The following ROR1 variants were observed in gnomAD, a reference collection of about 807,000 sequenced individuals.
The protein encoded by ROR1 is ROR family WNT receptor 1.
ROR1 carries 19 observed loss-of-function variants against 78.8 expected under a neutral mutation model. That is an observed-to-expected ratio of 0.24 (90% CI 0.17 to 0.35). The LOEUF (loss-of-function observed/expected upper bound fraction) is 0.35, where lower values mean the gene tolerates loss of function less well. Ranked by LOEUF, ROR1 falls within the 10% of genes least tolerant of loss-of-function variation. The probability of loss-of-function intolerance (pLI) is 1.00; values close to 1 mark genes in which losing one functional copy is unlikely to be tolerated. For missense variants in ROR1, 917 were observed against 1,177.8 expected, an observed-to-expected ratio of 0.78 and a Z score of 3.24; for synonymous variants, 386 against 433.6, an observed-to-expected ratio of 0.89 and a Z score of 1.36.
At chr1:63,845,256 T>G (rs1175786756) in intron 1 of ROR1, among the ~76,000 whole-genome samples, 2 of 152,190 alleles carry the variant, frequency 1.3e-5, no homozygotes, top group East Asian at 3.8e-4. Flanking sequence ...ATGCCAGTGA[T>G]CTTCTCCAGG....
chr1:64,161,270 G>C lies in ROR1; in HGVS notation c.1386+2078G>C, dbSNP rs143288807. 2.8e-4 allele frequency among the ~76,000 whole-genome samples: 42 copies of C among 152,288 alleles called. No homozygotes were observed. In the East Asian group the frequency reaches 6.4e-3, roughly 23 times the overall value. ...CCCAAGGTCCAAGAGCTAGTTATTA[G>C]AAGCAATAAAATGTGAATACAGGAT... On this transcript the variant is annotated intron_variant, in intron 8 of 8. Transcript: ENST00000371079.
intron 4 of ROR1, chr1:64,113,655 A>G (rs988414725): frequency 6.6e-6 from 1 of 152,082 alleles, no homozygotes; most frequent in Admixed American, 6.6e-5. Flanking sequence ...AGTGTGTCTG[A>G]TTTGGTAGCT....
intron 7 of ROR1, among the ~76,000 whole-genome samples, chr1:64,150,009 C>A (rs1393511964): frequency 6.6e-6 from 1 of 152,080 alleles, no homozygotes; most frequent in Admixed American, 6.5e-5. Flanking sequence ...CATTTAGATC[C>A]CCTATTTGTT....
chr1:63,882,829 A>G (rs1054033051), intron 1 of ROR1, among the ~76,000 whole-genome samples: 8 of 152,208 alleles, frequency 5.3e-5, no homozygotes, highest in African/African-American at 1.9e-4. Context: ...AGATGTTAAG[A>G]TAAAAATTAG....
intron 1 of ROR1, among the ~76,000 whole-genome samples, chr1:63,963,787 G>C (rs1646052555): frequency 6.6e-6 from 1 of 152,022 alleles, no homozygotes; most frequent in African/African-American, 2.4e-5. Flanking sequence ...AAAAGGTGAA[G>C]AGGAAGAACC....
chr1:63,929,844 C>G (rs1176602223), intron 1 of ROR1, among the ~76,000 whole-genome samples: 1 of 152,092 alleles, frequency 6.6e-6, no homozygotes, highest in Non-Finnish European at 1.5e-5. Context: ...ACTAGAGGCA[C>G]AAGGAGGTTT....
chr1:64,078,512 T>C (rs751715100), intron 4 of ROR1, among the ~76,000 whole-genome samples: 4 of 152,132 alleles, frequency 2.6e-5, no homozygotes, highest in Non-Finnish European at 5.9e-5. Context: ...GTGCTTCAGT[T>C]AGAAGGAGGG....
At chr1:63,870,401 A>G (rs1433425562) in intron 1 of ROR1, among the ~76,000 whole-genome samples, 1 of 152,114 alleles carries the variant, frequency 6.6e-6, no homozygotes, top group Non-Finnish European at 1.5e-5. Flanking sequence ...CCCAGGCTTC[A>G]TTGTCCAAGG....
chr1:64,010,769 A>G lies in ROR1; in HGVS notation c.163+1393A>G, dbSNP rs553107490. Among the ~76,000 whole-genome samples, 315 of 152,234 alleles carry G rather than the reference A, an allele frequency of 2.1e-3. 1 individual carries two copies. The highest frequency in any genetic ancestry group is 7.2e-3 in the African/African-American group (300 of 41,542). ...TTTCCCCCATCCTGTTCTCATAATAATGAGTTAGTTCTCATGAGATCTGAT... is the reference window on the plus strand; with the variant it reads ...TTTCCCCCATCCTGTTCTCATAATAGTGAGTTAGTTCTCATGAGATCTGAT... On this transcript the variant is annotated intron_variant, in intron 2 of 8. Transcript: ENST00000371079.
chr1:63,824,205 A>G (rs1256022194), intron 1 of ROR1, among the ~76,000 whole-genome samples: 2 of 152,182 alleles, frequency 1.3e-5, no homozygotes, highest in African/African-American at 4.8e-5. Context: ...ACAGAAATCA[A>G]CAAATGTTTT....
chr1:63,852,411 G>A (rs582428), intron 1 of ROR1, among the ~76,000 whole-genome samples: 64,226 of 152,052 alleles, frequency 0.42, 16,551 homozygotes, highest in African/African-American at 0.73. Flanking sequence ...TCCCTCTTTC[G>A]CACAACAGCC....
intron 1 of ROR1, among the ~76,000 whole-genome samples, chr1:64,008,011 T>C (rs1397874659): frequency 6.6e-6 from 1 of 150,748 alleles, no homozygotes. Context: ...AGGGTACATG[T>C]ACAGGCTTGT....
At chr1:63,928,823 C>T (rs1297179256) in intron 1 of ROR1, among the ~76,000 whole-genome samples, 2 of 152,072 alleles carry the variant, frequency 1.3e-5, no homozygotes, top group African/African-American at 2.4e-5. Context: ...ACTTAGTGCT[C>T]AGTGAGTCCT....
intron 1 of ROR1, among the ~76,000 whole-genome samples, chr1:63,914,359 C>CGTTTATTGTGTTTTATT (rs1645593559): frequency 6.6e-6 from 1 of 152,112 alleles, no homozygotes; most frequent in Non-Finnish European, 1.5e-5. Flanking sequence ...AGGAACCCTG[C>CGTTTATTGTGTTTTATT]GTGCCTGGTT....
chr1:64,073,939 A>G lies in ROR1; in HGVS notation c.482+23223A>G, dbSNP rs188752239. 2.9e-3 allele frequency among the ~76,000 whole-genome samples: 446 copies of G among 152,322 alleles called. 3 individuals carry two copies. Among genetic ancestry groups the G allele is most frequent in the African/African-American group, 0.01 (424 of 41,564 alleles). On this transcript the variant is annotated intron_variant, in intron 4 of 8. Coordinates refer to ENST00000371079, the MANE Select transcript of ROR1 (RefSeq NM_005012.4). ...GGCTCACTTCAGTGGAGATGAGGTT[A>G]ATAAGACCTCTGTTGCTGCTTGGCA...
Position 64,181,407 on chromosome 1 carries a change from A to G in ROR1, c.*2552A>G, listed in dbSNP as rs1650541826. On this transcript the variant is annotated 3_prime_UTR_variant, in exon 9 of 9. Transcript: ENST00000371079. ...AATGACAAAAAGGCTATTTTATATTAAGGATATATGCATTTGTATTTCACA... is the reference window on the plus strand; with the variant it reads ...AATGACAAAAAGGCTATTTTATATTGAGGATATATGCATTTGTATTTCACA... 1 of 152,196 alleles carries G rather than the reference A, an allele frequency of 6.6e-6. No homozygotes were observed. The highest frequency in any genetic ancestry group is 6.5e-5 in the Admixed American group (1 of 15,288). 9.4% of individuals were successfully genotyped at this position (152,196 alleles called of 1,614,324 possible). A position where few individuals can be genotyped will look rare whatever the true frequency, so the allele number is the denominator to read the frequency against.
chr1:63,806,528 A>G (rs899765262), intron 1 of ROR1, among the ~76,000 whole-genome samples: 5 of 152,168 alleles, frequency 3.3e-5, no homozygotes, highest in Admixed American at 6.5e-5. Context: ...TGCGTTAGCC[A>G]GGATGGTCTC....
chr1:63,957,338 G>C (rs1645991630), intron 1 of ROR1, among the ~76,000 whole-genome samples: 1 of 152,142 alleles, frequency 6.6e-6, no homozygotes, highest in Non-Finnish European at 1.5e-5. Context: ...TGGGAAGTAG[G>C]GTACATGCTC....
intron 1 of ROR1, among the ~76,000 whole-genome samples, chr1:63,890,074 T>C (rs1399695116): frequency 6.7e-6 from 1 of 149,062 alleles, no homozygotes; most frequent in African/African-American, 2.5e-5. Flanking sequence ...GAGATACATC[T>C]TCCTGTCGTG....
Sources: allele counts gnomAD v4.1 joint callset (sites outside exome capture counted in the v4.1 genomes callset), GRCh38; gene constraint gnomAD v4.1.1; transcripts MANE v1.5; gene names NCBI Gene and HGNC (gene_info 2026-07-23, HGNC 2026-07-21).